GPC5: variants seen among roughly 807,000 people sequenced by gnomAD.
The protein encoded by GPC5 is glypican-5.
A neutral mutation model predicts 53.9 loss-of-function variants in GPC5; 47 were observed. That is an observed-to-expected ratio of 0.87 (90% CI 0.69 to 1.11). GPC5 has a LOEUF of 1.11. Ranked by LOEUF, GPC5 falls within the 50% of genes most tolerant of loss-of-function variation. GPC5 has a pLI of 0.00. For synonymous variants in GPC5, 286 were observed against 263.3 expected (o/e 1.09, Z -0.84); for missense variants, 748 against 713.1 (o/e 1.05, Z -0.56).
At chr13:91,756,647 T>C (rs2037299728) in intron 5 of GPC5, among the ~76,000 whole-genome samples, 1 of 151,882 alleles carries the variant, frequency 6.6e-6, no homozygotes, top group East Asian at 1.9e-4. Flanking sequence ...GTCTTCTCTT[T>C]TACCTATCTA....
At chr13:91,793,923 A>G (rs994508799) in intron 5 of GPC5, among the ~76,000 whole-genome samples, 1 of 152,142 alleles carries the variant, frequency 6.6e-6, no homozygotes, top group Non-Finnish European at 1.5e-5. Flanking sequence ...TGGGATTACA[A>G]TTCGAGATGA....
intron 7 of GPC5, among the ~76,000 whole-genome samples, chr13:92,166,954 TCTCACACA>T (rs1286445362): frequency 1.7e-3 from 75 of 44,608 alleles, no homozygotes; most frequent in African/African-American, 2.7e-3. Flanking sequence ...TCTCTCTCTC[TCTCACACA>T]CACACACACA....
intron 6 of GPC5, among the ~76,000 whole-genome samples, chr13:92,139,463 C>G (rs925444995): frequency 6.6e-6 from 1 of 151,884 alleles, no homozygotes; most frequent in East Asian, 1.9e-4. Flanking sequence ...GTCAGGAGAT[C>G]GAGACCATCC....
intron 7 of GPC5, among the ~76,000 whole-genome samples, chr13:92,777,991 T>C (rs945395807): frequency 1.3e-5 from 2 of 152,206 alleles, no homozygotes; most frequent in Non-Finnish European, 2.9e-5. Flanking sequence ...TTTCTGACAA[T>C]GTGTGCTTGA....
intron 7 of GPC5, among the ~76,000 whole-genome samples, chr13:92,287,955 T>C (rs1416459941): frequency 6.6e-6 from 1 of 152,128 alleles, no homozygotes; most frequent in East Asian, 1.9e-4. Flanking sequence ...CTTCATTCTT[T>C]TTTATTTTCA....
intron 7 of GPC5, among the ~76,000 whole-genome samples, chr13:92,364,638 G>A (rs1219150049): frequency 6.6e-6 from 1 of 151,698 alleles, no homozygotes; most frequent in Non-Finnish European, 1.5e-5. Flanking sequence ...GCTGAGGCAG[G>A]AGAATGGCGT....
chr13:91,941,959 T>C (rs1345580854), intron 6 of GPC5, among the ~76,000 whole-genome samples: 1 of 152,162 alleles, frequency 6.6e-6, no homozygotes, highest in Non-Finnish European at 1.5e-5. Context: ...GATATATGTG[T>C]ATATTGTGAA....
intron 5 of GPC5, among the ~76,000 whole-genome samples, chr13:91,806,877 A>G (rs1341367514): frequency 1.3e-5 from 2 of 152,212 alleles, no homozygotes; most frequent in African/African-American, 4.8e-5. Context: ...TAAAAACATT[A>G]TCAGCATCTC....
chr13:91,431,177 C>G (rs1282423079), intron 1 of GPC5, among the ~76,000 whole-genome samples: 2 of 152,128 alleles, frequency 1.3e-5, no homozygotes, highest in Non-Finnish European at 2.9e-5. Context: ...CTGTGCCCAG[C>G]CTACAGTTTA....
chr13:92,175,833 T>G (rs1172663747), intron 7 of GPC5, among the ~76,000 whole-genome samples: 1 of 152,164 alleles, frequency 6.6e-6, no homozygotes, highest in Admixed American at 6.5e-5. Context: ...ATTTATCTCT[T>G]TAGAGGCTAA....
At chr13:92,704,586 C>G (rs1333434247) in intron 7 of GPC5, among the ~76,000 whole-genome samples, 2 of 151,896 alleles carry the variant, frequency 1.3e-5, no homozygotes, top group African/African-American at 4.8e-5. Flanking sequence ...CTTTCTTAAA[C>G]TCACAAAACC....
chr13:91,500,877 T>C, intron 2 of GPC5, among the ~76,000 whole-genome samples: 1 of 152,166 alleles, frequency 6.6e-6, no homozygotes, highest in East Asian at 1.9e-4. Flanking sequence ...CCCCATACTG[T>C]TCTCATGGTG....
chr13:91,873,672 G>C (rs2039172721), intron 5 of GPC5, among the ~76,000 whole-genome samples: 1 of 152,004 alleles, frequency 6.6e-6, no homozygotes, highest in Non-Finnish European at 1.5e-5. Flanking sequence ...ACCCAGTCTT[G>C]GGTGTACCTT....
chr13:91,979,621 A>T (rs974155618), intron 6 of GPC5, among the ~76,000 whole-genome samples: 2 of 152,196 alleles, frequency 1.3e-5, no homozygotes, highest in African/African-American at 4.8e-5. Context: ...CTCTATAATA[A>T]GTTTATGCAT....
chr13:92,851,624 G>A lies in GPC5; in HGVS notation c.1562-14658G>A, dbSNP rs575479221. On this transcript the variant is annotated intron_variant, in intron 7 of 7. Transcript: ENST00000377067. The stretch of plus-strand genomic sequence containing the variant: ...CGGTCGGGCACAGTGGCTCGCTCCT[G>A]TAATCCGAGCACTTTGGGAGGCCAA... 3.8e-3 allele frequency among the ~76,000 whole-genome samples: 575 copies of A among 151,894 alleles called. 4 individuals are homozygous for A. The highest frequency in any genetic ancestry group is 5.9e-3 in the Non-Finnish European group (402 of 67,990).
At chr13:91,854,084 A>G (rs1267310212) in intron 5 of GPC5, among the ~76,000 whole-genome samples, 1 of 151,350 alleles carries the variant, frequency 6.6e-6, no homozygotes, top group East Asian at 2.0e-4. Flanking sequence ...GTTTGAGTCA[A>G]GAATAGGTAC....
intron 5 of GPC5, among the ~76,000 whole-genome samples, chr13:91,844,006 T>C (rs2038820221): frequency 6.6e-6 from 1 of 152,112 alleles, no homozygotes; most frequent in African/African-American, 2.4e-5. Flanking sequence ...ATTTTAGGTA[T>C]GGGAAAATAA....
chr13:92,353,620 A>G (rs1422609760), intron 7 of GPC5, among the ~76,000 whole-genome samples: 3 of 152,192 alleles, frequency 2.0e-5, no homozygotes, highest in Admixed American at 1.3e-4. Context: ...TATTATTAAA[A>G]ATTACTAAGT....
At chr13:92,594,026 C>T (rs1398248963) in intron 7 of GPC5, among the ~76,000 whole-genome samples, 2 of 152,120 alleles carry the variant, frequency 1.3e-5, no homozygotes, top group African/African-American at 4.8e-5. Flanking sequence ...GGAAAACCCA[C>T]ATTAACAAAA....
Sources: gnomAD v4.1 joint callset for allele counts (sites outside exome capture counted in the v4.1 genomes callset) on GRCh38, gnomAD v4.1.1 for gene constraint, MANE v1.5 for transcripts, NCBI Gene and HGNC (gene_info 2026-07-23, HGNC 2026-07-21) for gene names.